Variants in PDZD7 observed in about 807,000 individuals in gnomAD.
PDZD7 encodes the protein PDZ domain containing 7, also known as PDZ domain-containing protein 7.
In PDZD7, 72 loss-of-function variants were observed where a neutral mutation model predicts 84.7. That is an observed-to-expected ratio of 0.85 (90% CI 0.70 to 1.03). The LOEUF (loss-of-function observed/expected upper bound fraction) is 1.03. Ranked by LOEUF, PDZD7 falls within the 50% of genes least tolerant of loss-of-function variation. PDZD7 has a pLI of 0.00. For missense variants in PDZD7, 1,490 were observed against 1,412.9 expected (o/e 1.05, Z -0.87); for synonymous variants, 594 against 580.7 (o/e 1.02, Z -0.33).
chr10:101,016,611 A>G lies in PDZD7; in HGVS notation c.1523-184T>C, dbSNP rs12415689. Among the ~76,000 whole-genome samples the G allele has an allele frequency of 6.7e-3, 1,018 of 152,368 alleles. 33 individuals are homozygous for G. Among genetic ancestry groups the G allele is most frequent in the Admixed American group, 0.05 (767 of 15,304 alleles). The stretch of plus-strand genomic sequence containing the variant: ...AGGCTATGGACTTCCTTCATAGGCA[A>G]TGGGGAGTCAGGACGGTTTTGGATC... On this transcript the variant is annotated intron_variant, in intron 9 of 16. Transcript: ENST00000619208.
Position 101,023,902 on chromosome 10 carries a change from G to T in PDZD7, c.367+26C>A, listed in dbSNP as rs763979041. The T allele has an allele frequency of 4.3e-6, 7 of 1,614,052 alleles. 1 individual carries two copies. In the Admixed American group the frequency reaches 1.0e-4, roughly 23 times the overall value. ...AGATTGGAGTCACATCCTAAGCGTGGACTTCAGCCTGGGGGTTCTGCTTAC... is the reference window on the plus strand; with the variant it reads ...AGATTGGAGTCACATCCTAAGCGTGTACTTCAGCCTGGGGGTTCTGCTTAC... On this transcript the variant is annotated intron_variant, in intron 3 of 16. Coordinates refer to ENST00000619208, the MANE Select transcript of PDZD7 (RefSeq NM_001195263.2).
intron 14 of PDZD7, chr10:101,011,390 A>T: frequency 1.6e-6 from 1 of 635,658 alleles, no homozygotes; most frequent in Non-Finnish European, 2.3e-6. Flanking sequence ...GTTCTATTTT[A>T]ATGTGTCTAA....
intron 1 of PDZD7, chr10:101,030,632 C>G (rs2134166341): frequency 1.1e-5 from 4 of 369,764 alleles, no homozygotes; most frequent in Non-Finnish European, 2.1e-5. Context: ...ACTCCCGTCC[C>G]CAGTCCTCAG....
At chr10:101,017,932 A>G in intron 9 of PDZD7, 167 bp downstream of exon 9, 1 of 619,422 alleles carries the variant, frequency 1.6e-6, no homozygotes, top group Non-Finnish European at 2.9e-6. Context: ...AAAGAAAAAG[A>G]AATAGGTATT....
intron 11 of PDZD7, among the ~76,000 whole-genome samples, chr10:101,013,913 G>T (rs1852491314): frequency 6.7e-6 from 1 of 148,200 alleles, no homozygotes. Context: ...GCAATGGCAC[G>T]ATCTTGGCTC....
At chr10:101,018,046 C>T (rs1852799935) in intron 9 of PDZD7, 53 bp downstream of exon 9, 1 of 1,610,866 alleles carries the variant, frequency 6.2e-7, no homozygotes. Context: ...CTGCTGAATG[C>T]CGAAGCTAGT....
At chr10:101,011,316 C>CAA in intron 14 of PDZD7, 2 of 405,290 alleles carry the variant, frequency 4.9e-6, no homozygotes, top group Non-Finnish European at 4.0e-6. Flanking sequence ...GCTGGGATTA[C>CAA]AGGCGTGAGC....
chr10:101,009,138 T>A, intron 16 of PDZD7, 112 bp downstream of exon 16: 1 of 1,044,304 alleles, frequency 9.6e-7, no homozygotes, highest in Non-Finnish European at 1.4e-6. Context: ...CCAAGCCTCC[T>A]CCCACAACCC....
At chr10:101,029,321 G>A (rs915295778) in intron 2 of PDZD7, among the ~76,000 whole-genome samples, 1 of 152,168 alleles carries the variant, frequency 6.6e-6, no homozygotes, top group Non-Finnish European at 1.5e-5. Context: ...ATTCCTGGAA[G>A]GTGAAGAGGG....
At chr10:101,019,284 C>A in intron 7 of PDZD7, 67 bp from the exon 8 acceptor site, 1 of 1,528,568 alleles carries the variant, frequency 6.5e-7, no homozygotes. Flanking sequence ...TTGCAGACCA[C>A]CCTTGGGCTT....
At position 101,021,780 on chromosome 10, in the gene PDZD7, C is replaced by G. The variant is rs546191689; in HGVS notation, c.867+18G>C. 42 of 1,614,134 alleles carry G rather than the reference C, an allele frequency of 2.6e-5. No individual in the cohort carries two copies. The East Asian group carries it at 5.3e-4, about 21-fold the overall frequency. ...CTACTCTAGCCTCACCTCTCCCTACCCCCACTGTTCTGCCCACCTTGATGG... is the reference window on the plus strand; with the variant it reads ...CTACTCTAGCCTCACCTCTCCCTACGCCCACTGTTCTGCCCACCTTGATGG... On this transcript the variant is annotated intron_variant, in intron 6 of 16. Transcript: ENST00000619208.
intron 2 of PDZD7, among the ~76,000 whole-genome samples, chr10:101,028,872 T>C (rs1937880125): frequency 6.6e-6 from 1 of 152,094 alleles, no homozygotes; most frequent in African/African-American, 2.4e-5. Flanking sequence ...CATAGACTGG[T>C]GTATGACAGG....
At position 101,018,999 on chromosome 10, in the gene PDZD7, A is replaced by G; in HGVS notation, c.1147T>C (p.Trp383Arg). 6.3e-7 allele frequency: 1 copy of G among 1,578,986 alleles called. No homozygotes were observed. The highest frequency in any genetic ancestry group is 8.6e-7 in the Non-Finnish European group (1 of 1,164,226). Reference protein sequence around the residue: ...EPDAGGRVETWCSVRPTVILR... With the variant: ...EPDAGGRVETRCSVRPTVILR... ...ATGACTGTGGGCCGCACGCTGCACCAGGTCTCCACCCGGCCTCCCGCATCG... is the reference window on the plus strand; with the variant it reads ...ATGACTGTGGGCCGCACGCTGCACCGGGTCTCCACCCGGCCTCCCGCATCG... Residue 383 changes from tryptophan (W) to arginine (R), a missense_variant, in exon 8 of 17, where the codon TGG becomes CGG. Coordinates refer to ENST00000619208, the MANE Select transcript of PDZD7 (RefSeq NM_001195263.2).
At chr10:101,013,600 T>A (rs963083458) in intron 11 of PDZD7, among the ~76,000 whole-genome samples, 2 of 152,184 alleles carry the variant, frequency 1.3e-5, no homozygotes, top group African/African-American at 4.8e-5. Flanking sequence ...ATGGGGTCCA[T>A]GAAGAGCCTC....
intron 14 of PDZD7, chr10:101,011,085 T>C (rs1349035252): frequency 2.1e-5 from 30 of 1,419,224 alleles, no homozygotes; most frequent in Non-Finnish European, 2.8e-5. Context: ...CTCACTCTGT[T>C]GCCCAGGCGT....
At chr10:101,011,820 G>T in intron 13 of PDZD7, 59 bp from the exon 14 acceptor site, 1 of 1,550,444 alleles carries the variant, frequency 6.4e-7, no homozygotes. Context: ...CGGGACGGAG[G>T]CAGCTCAAGG....
chr10:101,010,668 C>CG lies in PDZD7; in HGVS notation c.2220dup (p.Val741ArgfsTer9). 1 of 1,414,782 alleles carries CG rather than the reference C, an allele frequency of 7.1e-7. No homozygotes were observed. The highest frequency in any genetic ancestry group is 9.2e-7 in the Non-Finnish European group (1 of 1,086,838). 87.6% of individuals were successfully genotyped at this position (1,414,782 alleles called of 1,614,324 possible). The stretch of plus-strand genomic sequence containing the variant: ...TTAGGCCGCAGGGGCCGGGGAGCCA[C>CG]GGGGGGTAGCTGGGGAGGGGGTGTG... On this transcript the variant is annotated frameshift_variant, in exon 15 of 17. Transcript: ENST00000619208. LOFTEE classifies it high-confidence loss of function.
Position 101,021,834 on chromosome 10 carries a change from C to T in PDZD7, c.831G>A (p.Val277=), listed in dbSNP as rs139585498. 34 of 1,614,092 alleles carry T rather than the reference C, an allele frequency of 2.1e-5. No homozygotes were observed. In the African/African-American group the frequency reaches 3.7e-4, roughly 18 times the overall value. The change falls in exon 6 of 17, where the codon GTG becomes GTA. Residue 277 remains valine (V), a synonymous_variant. Coordinates refer to ENST00000619208, the MANE Select transcript of PDZD7 (RefSeq NM_001195263.2). ...GCATGATGTGCGTTTGGCCCTTCAG[C>T]ACCTCCACGGCCTGGCTGTGGCTGA... is the stretch of plus-strand genomic sequence containing the variant. ...DDISHSQAVE[V]LKGQTHIMLT... is the part of the protein sequence containing the mutation.
intron 9 of PDZD7, 82 bp downstream of exon 9, chr10:101,018,017 G>A: frequency 1.3e-6 from 2 of 1,565,342 alleles, no homozygotes; most frequent in Non-Finnish European, 1.8e-6. Context: ...AAGACGCGGT[G>A]TGGGATCTCA....
Sources: allele counts gnomAD v4.1 joint callset (sites outside exome capture counted in the v4.1 genomes callset), GRCh38; gene constraint gnomAD v4.1.1; transcripts MANE v1.5; gene names NCBI Gene and HGNC (gene_info 2026-07-23, HGNC 2026-07-21).